GRM7: variants seen among roughly 807,000 people sequenced by gnomAD.
GRM7 encodes metabotropic glutamate receptor 7.
Under a neutral mutation model 84.5 loss-of-function variants are expected in GRM7, and 35 were observed. The ratio of observed to expected loss-of-function variants is 0.41; its 90% confidence interval spans 0.32 to 0.55. The LOEUF is 0.55. Ranked by LOEUF, GRM7 falls within the 20% of genes least tolerant of loss-of-function variation. GRM7 has a pLI of 0.19. For synonymous variants in GRM7, 487 were observed against 455.1 expected (o/e 1.07, Z -0.89); for missense variants, 1,003 against 1,194.6 (o/e 0.84, Z 2.36).
At chr3:6,941,149 C>G (rs992427718) in intron 1 of GRM7, among the ~76,000 whole-genome samples, 2 of 152,126 alleles carry the variant, frequency 1.3e-5, no homozygotes, top group African/African-American at 4.8e-5. Flanking sequence ...CCTGGGAACC[C>G]GAAAGGCCAA....
intron 6 of GRM7, among the ~76,000 whole-genome samples, chr3:7,453,985 A>C (rs1412323693): frequency 6.6e-6 from 1 of 152,016 alleles, no homozygotes. Flanking sequence ...GGGCAGGGTA[A>C]GGTCAGAAAG....
chr3:7,699,062 C>A lies in GRM7; in HGVS notation c.2698+18767C>A, dbSNP rs1335202260. Among the ~76,000 whole-genome samples the A allele has an allele frequency of 2.0e-5, 3 of 152,140 alleles. No homozygotes were observed. The East Asian group carries it at 5.8e-4, about 29-fold the overall frequency. On this transcript the variant is annotated intron_variant, in intron 9 of 9. Coordinates refer to ENST00000357716, the MANE Select transcript of GRM7 (RefSeq NM_000844.4). ...ATATATCTGCAGACTTTATAAAAAT[C>A]TATGCTCAAAAATCTCAAAGCTACA...
At chr3:7,333,348 G>A (rs1428004878) in intron 4 of GRM7, among the ~76,000 whole-genome samples, 1 of 152,134 alleles carries the variant, frequency 6.6e-6, no homozygotes, top group South Asian at 2.1e-4. Flanking sequence ...CCCAGAGCCC[G>A]GTAGCCCCAC....
intron 1 of GRM7, among the ~76,000 whole-genome samples, chr3:7,094,652 A>G (rs1195800580): frequency 1.3e-5 from 2 of 152,222 alleles, no homozygotes; most frequent in African/African-American, 4.8e-5. Context: ...CAATAGAACT[A>G]TGATGACAGG....
intron 7 of GRM7, among the ~76,000 whole-genome samples, chr3:7,510,147 T>G (rs538737703): frequency 6.6e-6 from 1 of 152,290 alleles, no homozygotes; most frequent in East Asian, 1.9e-4. Flanking sequence ...TTTCCCCCAG[T>G]AAGTTTCAGC....
At chr3:7,450,335 C>G (rs1697714648) in intron 5 of GRM7, among the ~76,000 whole-genome samples, 1 of 152,082 alleles carries the variant, frequency 6.6e-6, no homozygotes, top group Admixed American at 6.6e-5. Flanking sequence ...GCTGGTGGGA[C>G]AGCAAAATGA....
At position 6,861,974 on chromosome 3, in the gene GRM7, G is replaced by A; in HGVS notation, c.519+67G>A. The A allele has an allele frequency of 8.0e-6, 11 of 1,379,414 alleles. No individual in the cohort carries two copies. The highest frequency in any genetic ancestry group is 1.1e-5 in the Non-Finnish European group (11 of 1,001,272). 85.4% of individuals were successfully genotyped at this position (1,379,414 alleles called of 1,614,324 possible). On this transcript the variant is annotated intron_variant, in intron 1 of 9. Transcript: ENST00000357716. The surrounding 1 kb of genome is among the most constrained non-coding windows in gnomAD (Gnocchi z 6.4). ...CCTGCGCCCTTAACCCTAAAAGCTG[G>A]CTTGGACTCCGGTGGTGCGGGTCAG...
intron 4 of GRM7, among the ~76,000 whole-genome samples, chr3:7,343,523 A>G (rs1277699440): frequency 2.0e-5 from 3 of 152,030 alleles, no homozygotes; most frequent in African/African-American, 7.3e-5. Flanking sequence ...CTGTAAGAAT[A>G]TTTATTTGCA....
At chr3:6,918,205 G>A (rs1697007401) in intron 1 of GRM7, among the ~76,000 whole-genome samples, 1 of 152,174 alleles carries the variant, frequency 6.6e-6, no homozygotes, top group South Asian at 2.1e-4. Flanking sequence ...AGGTCATTCT[G>A]TGAGCTAGAC....
At chr3:7,673,682 G>A (rs1203671672) in intron 8 of GRM7, among the ~76,000 whole-genome samples, 1 of 152,172 alleles carries the variant, frequency 6.6e-6, no homozygotes, top group Non-Finnish European at 1.5e-5. Context: ...GATTGCTGCA[G>A]GAGGTTGATT....
chr3:6,945,525 A>G (rs370893668), intron 1 of GRM7, among the ~76,000 whole-genome samples: 8 of 152,140 alleles, frequency 5.3e-5, no homozygotes, highest in East Asian at 3.9e-4. Context: ...ATAAACATAC[A>G]TGTGCATGTG....
intron 4 of GRM7, among the ~76,000 whole-genome samples, chr3:7,332,970 TGCAGG>T (rs1289296304): frequency 6.6e-6 from 1 of 152,116 alleles, no homozygotes; most frequent in Non-Finnish European, 1.5e-5. Flanking sequence ...TCCTAGCCAA[TGCAGG>T]GCAAGCTTAT....
chr3:6,974,520 T>C (rs1431872721), intron 1 of GRM7, among the ~76,000 whole-genome samples: 2 of 152,154 alleles, frequency 1.3e-5, no homozygotes, highest in Non-Finnish European at 2.9e-5. Context: ...AACATGTAGC[T>C]GCCTGTAGAA....
At chr3:7,196,171 A>G (rs950337604) in intron 2 of GRM7, among the ~76,000 whole-genome samples, 8 of 152,148 alleles carry the variant, frequency 5.3e-5, no homozygotes, top group African/African-American at 1.9e-4. Flanking sequence ...TTGCAGTTCA[A>G]ATCTGGAAGG....
intron 1 of GRM7, among the ~76,000 whole-genome samples, chr3:6,973,928 C>T (rs1693877180): frequency 6.6e-6 from 1 of 151,988 alleles, no homozygotes; most frequent in Admixed American, 6.6e-5. Flanking sequence ...ATCTGATAGG[C>T]TGGTGTGTTA....
At chr3:7,027,472 A>ATTTATGTCATT in intron 1 of GRM7, among the ~76,000 whole-genome samples, 1 of 152,298 alleles carries the variant, frequency 6.6e-6, no homozygotes, top group South Asian at 2.1e-4. Flanking sequence ...GATTACATCC[A>ATTTATGTCATT]ACGAGCTTAC....
chr3:7,064,463 C>CAT (rs745409093), intron 1 of GRM7, among the ~76,000 whole-genome samples: 5,298 of 87,288 alleles, frequency 0.061, 579 homozygotes, highest in African/African-American at 0.21. Context: ...GATATATATA[C>CAT]ATATATATAT....
At chr3:7,102,165 C>A (rs1343219308) in intron 1 of GRM7, among the ~76,000 whole-genome samples, 1 of 151,718 alleles carries the variant, frequency 6.6e-6, no homozygotes, top group Non-Finnish European at 1.5e-5. Flanking sequence ...CTGCCTTCAG[C>A]CTAAAAAAGT....
chr3:7,725,725 T>A (rs1381237048), intron 9 of GRM7, among the ~76,000 whole-genome samples: 8 of 152,232 alleles, frequency 5.3e-5, no homozygotes, highest in Admixed American at 4.6e-4. Context: ...CATTGAGAGA[T>A]GCATGACTTA....
Sources: allele counts gnomAD v4.1 joint callset (sites outside exome capture counted in the v4.1 genomes callset), GRCh38; gene constraint gnomAD v4.1.1; non-coding constraint Gnocchi (gnomAD v3.1); transcripts MANE v1.5; gene names NCBI Gene and HGNC (gene_info 2026-07-23, HGNC 2026-07-21).